The following ESF1 variants were observed in gnomAD, a reference collection of about 807,000 sequenced individuals.
The protein encoded by ESF1 is ESF1 nucleolar pre-rRNA processing protein.
In ESF1, 58 loss-of-function variants were observed where a neutral mutation model predicts 92.0. The observed-to-expected ratio is 0.63, with a 90% CI of 0.51 to 0.78. The LOEUF is 0.78. Ranked by LOEUF, ESF1 falls within the 30% of genes least tolerant of loss-of-function variation. The pLI, the probability that ESF1 is intolerant of heterozygous loss-of-function variation, is 0.00. For missense variants in ESF1, 922 were observed against 989.1 expected (o/e 0.93, Z 0.91); for synonymous variants, 321 against 313.7 (o/e 1.02, Z -0.24).
chr20:13,726,514 G>A (rs1366620715), intron 11 of ESF1, among the ~76,000 whole-genome samples: 1 of 152,156 alleles, frequency 6.6e-6, no homozygotes, highest in Non-Finnish European at 1.5e-5. Context: ...TCATCTCAGA[G>A]AAGCCTTCTT....
At chr20:13,755,330 T>C (rs932123400) in intron 9 of ESF1, among the ~76,000 whole-genome samples, 1 of 152,242 alleles carries the variant, frequency 6.6e-6, no homozygotes, top group Non-Finnish European at 1.5e-5. Flanking sequence ...TGCCATTATT[T>C]ATTTCTGGAT....
intron 11 of ESF1, among the ~76,000 whole-genome samples, 160 bp downstream of exon 11, chr20:13,728,218 A>G (rs1299870395): frequency 3.9e-5 from 6 of 152,228 alleles, no homozygotes; most frequent in African/African-American, 1.4e-4. Flanking sequence ...CTTCCCAATC[A>G]GATTAATGAC....
chr20:13,714,705 T>C lies in ESF1; in HGVS notation c.*169A>G, dbSNP rs1030831882. ...GGAATATACAATAAAAATTTGTCAGTCATCCACAATTAAGTACAATTATTT... is the reference window on the plus strand; with the variant it reads ...GGAATATACAATAAAAATTTGTCAGCCATCCACAATTAAGTACAATTATTT... On this transcript the variant is annotated 3_prime_UTR_variant, in exon 14 of 14. Coordinates refer to ENST00000617257, the MANE Select transcript of ESF1 (RefSeq NM_001276380.2). The C allele has an allele frequency of 8.4e-6, 5 of 595,164 alleles. No homozygotes were observed. The highest frequency in any genetic ancestry group is 4.6e-4 in the Middle Eastern group (1 of 2,174). The allele number at this position is 595,164 out of a possible 1,614,324, so 36.9% of individuals were successfully genotyped here. A position where few individuals can be genotyped will look rare whatever the true frequency, so the allele number is the denominator to read the frequency against.
chr20:13,729,684 C>T (rs6042325), intron 10 of ESF1, among the ~76,000 whole-genome samples: 110,542 of 152,102 alleles, frequency 0.73, 40,680 homozygotes, highest in African/African-American at 0.85. Flanking sequence ...AAAACATACA[C>T]AAAAGTAGGA....
chr20:13,766,647 A>C (rs1258060761), intron 8 of ESF1, 130 bp downstream of exon 8: 9 of 810,618 alleles, frequency 1.1e-5, no homozygotes, highest in African/African-American at 8.7e-5. Context: ...TTTTAAAAAA[A>C]TCAATCACTA....
At chr20:13,758,808 T>C (rs971757002) in intron 9 of ESF1, among the ~76,000 whole-genome samples, 2 of 152,208 alleles carry the variant, frequency 1.3e-5, no homozygotes, top group African/African-American at 4.8e-5. Flanking sequence ...AAGTCCCTGA[T>C]GATTTGCCCA....
intron 9 of ESF1, among the ~76,000 whole-genome samples, chr20:13,735,056 T>A (rs2049967575): frequency 2.0e-5 from 3 of 152,080 alleles, no homozygotes; most frequent in Non-Finnish European, 1.5e-5. Context: ...GGGCCTCTGG[T>A]TCCTTATCTG....
Position 13,748,588 on chromosome 20 carries a change from ATATATTTT to A in ESF1, c.1828+11096_1828+11103del, listed in dbSNP as rs1452102722. Among the ~76,000 whole-genome samples the A allele has an allele frequency of 9.3e-4, 57 of 61,510 alleles. 2 individuals are homozygous for A. The Admixed American group carries it at 0.011, about 11-fold the overall frequency. The allele number at this position is 61,510 out of a possible 152,430, so 40.4% of individuals were successfully genotyped here. On this transcript the variant is annotated intron_variant, in intron 9 of 13. Coordinates refer to ENST00000617257, the MANE Select transcript of ESF1 (RefSeq NM_001276380.2). Reference sequence around the variant, plus strand: ...TATGTGTGTGTGTATATATATATATATATATTTTTTTTTTTTTGAGATGGAGTGTTGCT... The same window carrying A: ...TATGTGTGTGTGTATATATATATATATTTTTTTTTGAGATGGAGTGTTGCT...
At chr20:13,751,927 G>A (rs916634771) in intron 9 of ESF1, among the ~76,000 whole-genome samples, 12 of 152,122 alleles carry the variant, frequency 7.9e-5, no homozygotes, top group Non-Finnish European at 1.2e-4. Flanking sequence ...CCTACGAGGC[G>A]GAGGTTGCAG....
chr20:13,728,661 T>C (rs2049919351), intron 10 of ESF1, among the ~76,000 whole-genome samples, 196 bp from the exon 11 acceptor site: 1 of 152,044 alleles, frequency 6.6e-6, no homozygotes, highest in Non-Finnish European at 1.5e-5. Flanking sequence ...GGTCAGGAGT[T>C]TGAGACCAGC....
At chr20:13,739,195 T>G (rs2049995408) in intron 9 of ESF1, among the ~76,000 whole-genome samples, 1 of 152,178 alleles carries the variant, frequency 6.6e-6, no homozygotes, top group East Asian at 1.9e-4. Context: ...CGTTTTTTTT[T>G]GTTGCTGATT....
intron 2 of ESF1, among the ~76,000 whole-genome samples, chr20:13,779,696 A>G: frequency 6.6e-6 from 1 of 152,092 alleles, no homozygotes. Context: ...CACTATGCCC[A>G]GCTAATTTTT....
chr20:13,716,027 T>A (rs1465627624), intron 13 of ESF1, among the ~76,000 whole-genome samples: 1 of 152,234 alleles, frequency 6.6e-6, no homozygotes, highest in African/African-American at 2.4e-5. Context: ...CTAACTGGAA[T>A]GGGAGCATAT....
At chr20:13,766,364 C>G (rs956711913) in intron 8 of ESF1, among the ~76,000 whole-genome samples, 1 of 152,238 alleles carries the variant, frequency 6.6e-6, no homozygotes, top group East Asian at 1.9e-4. Flanking sequence ...ACAGAAAACT[C>G]TAAAAGCAGT....
At chr20:13,719,053 G>A (rs41275400) in intron 11 of ESF1, 69 bp from the exon 12 acceptor site, 11,409 of 1,038,096 alleles carry the variant, frequency 0.011, 100 homozygotes, top group South Asian at 0.016. Context: ...GTTTATACTA[G>A]GAACAAAAAT....
intron 8 of ESF1, among the ~76,000 whole-genome samples, chr20:13,765,498 G>A (rs1331613281): frequency 6.6e-6 from 1 of 152,162 alleles, no homozygotes; most frequent in East Asian, 1.9e-4. Context: ...ATCATTTCCT[G>A]TTTCCTGATC....
intron 9 of ESF1, among the ~76,000 whole-genome samples, chr20:13,740,479 T>C (rs981295067): frequency 1.3e-5 from 2 of 152,106 alleles, no homozygotes; most frequent in Admixed American, 1.3e-4. Context: ...CAGCACGTTG[T>C]AGAGATTCAA....
At chr20:13,760,944 GA>G (rs1311065860) in intron 8 of ESF1, among the ~76,000 whole-genome samples, 5 of 152,236 alleles carry the variant, frequency 3.3e-5, no homozygotes, top group Non-Finnish European at 5.9e-5. Flanking sequence ...AGAAAAGGGG[GA>G]AAGGTGGGGA....
rs199647744 is a variant in ESF1 at position 13,748,312 on chromosome 20, T to C, written c.1828+11380A>G. 5.3e-5 allele frequency among the ~76,000 whole-genome samples: 8 copies of C among 152,028 alleles called. No individual in the cohort carries two copies. The East Asian group carries it at 1.4e-3, about 26-fold the overall frequency. ...GTACTAACCACCTTGAAGAACTTAATGTAGTATTGTGTGTGAAGCATCTAG... is the reference window on the plus strand; with the variant it reads ...GTACTAACCACCTTGAAGAACTTAACGTAGTATTGTGTGTGAAGCATCTAG... On this transcript the variant is annotated intron_variant, in intron 9 of 13. Transcript: ENST00000617257.
Sources: allele counts gnomAD v4.1 joint callset (sites outside exome capture counted in the v4.1 genomes callset), GRCh38; gene constraint gnomAD v4.1.1; transcripts MANE v1.5; gene names NCBI Gene and HGNC (gene_info 2026-07-23, HGNC 2026-07-21).